The following HECW2 variants were observed in gnomAD, a reference collection of about 807,000 sequenced individuals.
The protein encoded by HECW2 is E3 ubiquitin-protein ligase HECW2.
HECW2 carries 61 observed loss-of-function variants against 175.2 expected under a neutral mutation model. That is an observed-to-expected ratio of 0.35 (90% confidence interval 0.28 to 0.43). The LOEUF is 0.43. Ranked by LOEUF, HECW2 falls within the 20% of genes least tolerant of loss-of-function variation. The pLI, the probability that HECW2 is intolerant of heterozygous loss-of-function variation, is 1.00. For synonymous variants in HECW2, 671 were observed against 731.0 expected (o/e 0.92, Z 1.32); for missense variants, 1,524 against 2,000.5 (o/e 0.76, Z 4.54).
At chr2:196,346,358 C>T (rs1394535212) in intron 2 of HECW2, among the ~76,000 whole-genome samples, 1 of 152,150 alleles carries the variant, frequency 6.6e-6, no homozygotes, top group African/African-American at 2.4e-5. Context: ...GGCCTGAACC[C>T]TGGACAGAGG....
chr2:196,238,992 A>T (rs2105874774), intron 21 of HECW2: 1 of 152,240 alleles, frequency 6.6e-6, no homozygotes, highest in East Asian at 1.9e-4. Flanking sequence ...GTTCTGGGGG[A>T]GGAAAAGTAT....
intron 14 of HECW2, among the ~76,000 whole-genome samples, chr2:196,280,321 A>C (rs898645845): frequency 1.1e-4 from 16 of 152,376 alleles, no homozygotes; most frequent in Admixed American, 5.2e-4. Flanking sequence ...GTATCTAGGC[A>C]AATGCCAGAG....
chr2:196,555,337 G>A (rs1689757128), intron 1 of HECW2, among the ~76,000 whole-genome samples: 2 of 152,062 alleles, frequency 1.3e-5, no homozygotes, highest in African/African-American at 2.4e-5. Context: ...TGTGGTGGAA[G>A]GGACAAGGCA....
chr2:196,337,881 G>A (rs1692611035), intron 3 of HECW2, among the ~76,000 whole-genome samples: 1 of 152,092 alleles, frequency 6.6e-6, no homozygotes, highest in African/African-American at 2.4e-5. Flanking sequence ...GACAGCTGAA[G>A]CCAGTCATAG....
intron 1 of HECW2, among the ~76,000 whole-genome samples, chr2:196,533,958 T>G (rs1195074172): frequency 1.3e-5 from 2 of 152,222 alleles, no homozygotes; most frequent in Admixed American, 6.5e-5. Flanking sequence ...TCTGCTACTT[T>G]GATACTGTTC....
chr2:196,298,392 T>A (rs1325039267), intron 13 of HECW2, among the ~76,000 whole-genome samples: 1 of 152,228 alleles, frequency 6.6e-6, no homozygotes, highest in African/African-American at 2.4e-5. Flanking sequence ...TTCTCAAGTT[T>A]TACTTTAGTG....
At chr2:196,257,083 G>A (rs547246366) in intron 18 of HECW2, among the ~76,000 whole-genome samples, 103 of 152,370 alleles carry the variant, frequency 6.8e-4, no homozygotes, top group African/African-American at 2.3e-3. Flanking sequence ...GGCTCAGTAT[G>A]CTGTTCCTTT....
Position 196,585,877 on chromosome 2 carries a change from G to A in HECW2, c.-36+7631C>T, listed in dbSNP as rs1559189428. On this transcript the variant is annotated intron_variant, in intron 1 of 28. Transcript: ENST00000644978. ...TGGATAAAATGAAGTGAAGCCTAAG[G>A]CAAAAACTTAAGAAAGATCATATCC... Among the ~76,000 whole-genome samples, 3 of 152,194 alleles carry A rather than the reference G, an allele frequency of 2.0e-5. No homozygotes were observed. The East Asian group carries it at 5.8e-4, about 29-fold the overall frequency.
At chr2:196,230,273 G>A (rs1237513863) in intron 21 of HECW2, among the ~76,000 whole-genome samples, 2 of 152,138 alleles carry the variant, frequency 1.3e-5, no homozygotes, top group East Asian at 1.9e-4. Context: ...GCTTCCTCCC[G>A]CTGACCTACT....
intron 17 of HECW2, among the ~76,000 whole-genome samples, chr2:196,259,203 G>A (rs1377217893): frequency 6.6e-6 from 1 of 152,146 alleles, no homozygotes; most frequent in Non-Finnish European, 1.5e-5. Context: ...CAAACTCCTG[G>A]CCTCATGTGA....
chr2:196,518,223 T>C (rs1381700184), intron 1 of HECW2, among the ~76,000 whole-genome samples: 1 of 152,112 alleles, frequency 6.6e-6, no homozygotes, highest in Non-Finnish European at 1.5e-5. Flanking sequence ...AAATAAAATA[T>C]AATAGAAAAA....
rs549901664 is a variant in HECW2 at position 196,422,596 on chromosome 2, A to G, written c.292+10536T>C. On this transcript the variant is annotated intron_variant, in intron 2 of 28. Coordinates refer to ENST00000644978, the MANE Select transcript of HECW2 (RefSeq NM_001348768.2). Reference sequence around the variant, plus strand: ...CAACCCACACGAGACATGCAGCATTAGCAATAAATAATCCTTTGTTCTGTT... The same window carrying G: ...CAACCCACACGAGACATGCAGCATTGGCAATAAATAATCCTTTGTTCTGTT... Among the ~76,000 whole-genome samples, 9 of 152,266 alleles carry G rather than the reference A, an allele frequency of 5.9e-5. No homozygotes were observed. In the East Asian group the frequency reaches 1.5e-3, roughly 26 times the overall value.
At chr2:196,251,230 C>T (rs1378918526) in intron 19 of HECW2, among the ~76,000 whole-genome samples, 2 of 152,146 alleles carry the variant, frequency 1.3e-5, no homozygotes, top group Non-Finnish European at 2.9e-5. Context: ...CTGTGAAACC[C>T]GGCTCCCCTG....
chr2:196,472,301 T>G (rs1310400188), intron 1 of HECW2, among the ~76,000 whole-genome samples: 1 of 151,114 alleles, frequency 6.6e-6, no homozygotes. Context: ...CTGGCCAACA[T>G]GGAGAAACCC....
At chr2:196,361,972 C>G in intron 2 of HECW2, 1 of 985,408 alleles carries the variant, frequency 1.0e-6, no homozygotes, top group Non-Finnish European at 1.2e-6. Flanking sequence ...CAAGGCGGGT[C>G]TGGAGTTCTA....
chr2:196,258,080 AGG>A (rs34136527), intron 17 of HECW2, 174 bp from the exon 18 acceptor site: 4 of 556,134 alleles, frequency 7.2e-6, no homozygotes, highest in South Asian at 2.3e-5. Context: ...TTTGCCTTCA[AGG>A]GGGGGGATCT....
chr2:196,409,164 A>G (rs980781305), intron 2 of HECW2, among the ~76,000 whole-genome samples: 2 of 152,170 alleles, frequency 1.3e-5, no homozygotes, highest in Non-Finnish European at 2.9e-5. Flanking sequence ...TGACCATGGC[A>G]CTTGGCTAGA....
At chr2:196,554,280 C>T (rs979663576) in intron 1 of HECW2, among the ~76,000 whole-genome samples, 2 of 151,692 alleles carry the variant, frequency 1.3e-5, no homozygotes, top group Non-Finnish European at 2.9e-5. Flanking sequence ...GAGCGGAGAT[C>T]GCGCCACAGC....
At chr2:196,466,860 A>G (rs1387230929) in intron 1 of HECW2, among the ~76,000 whole-genome samples, 1 of 152,216 alleles carries the variant, frequency 6.6e-6, no homozygotes, top group Non-Finnish European at 1.5e-5. Context: ...TTCTATGATG[A>G]GAGTGATAAA....
Sources: allele counts gnomAD v4.1 joint callset (sites outside exome capture counted in the v4.1 genomes callset), GRCh38; gene constraint gnomAD v4.1.1; transcripts MANE v1.5; gene names NCBI Gene and HGNC (gene_info 2026-07-23, HGNC 2026-07-21).